ENTREP2: variants seen among roughly 807,000 people sequenced by gnomAD.
ENTREP2 encodes endosomal transmembrane epsin interactor 2.
At chr15:29,374,256 A>G in the ENTREP2 span, 44 of 152,168 alleles carry the variant, frequency 2.9e-4, no homozygotes, top group Admixed American at 2.1e-3. Flanking sequence ...GGTCCCATCT[A>G]TTCTTTGTTT....
At chr15:29,170,980 C>T in the ENTREP2 span, among the ~76,000 whole-genome samples, 1 of 152,156 alleles carries the variant, frequency 6.6e-6, no homozygotes, top group African/African-American at 2.4e-5. Context: ...TGGTGGGGGT[C>T]CTCCTGTGGT....
the ENTREP2 span, chr15:29,234,637 CCTACCAGTT>C: frequency 2.6e-6 from 4 of 1,561,218 alleles, no homozygotes; most frequent in East Asian, 9.0e-5. Context: ...TATCAAACCA[CCTACCAGTT>C]CTATCTTCAC....
the ENTREP2 span, among the ~76,000 whole-genome samples, chr15:29,327,675 T>C: frequency 1.3e-5 from 2 of 150,590 alleles, no homozygotes; most frequent in African/African-American, 2.4e-5. Context: ...GCATATGACA[T>C]AATGTTCAAT....
chr15:29,125,178 C>A, the ENTREP2 span, among the ~76,000 whole-genome samples: 4 of 152,226 alleles, frequency 2.6e-5, no homozygotes, highest in African/African-American at 9.6e-5. Context: ...CCAACAAAGC[C>A]ATCAGGGGGC....
chr15:29,125,096 A>G, the ENTREP2 span, among the ~76,000 whole-genome samples: 2 of 152,198 alleles, frequency 1.3e-5, no homozygotes, highest in African/African-American at 4.8e-5. Flanking sequence ...ACATCAGCCT[A>G]GCCAAGAGGG....
chr15:29,518,959 A>C, the ENTREP2 span, among the ~76,000 whole-genome samples: 1 of 152,162 alleles, frequency 6.6e-6, no homozygotes, highest in Admixed American at 6.5e-5. Flanking sequence ...ACACAAAAGC[A>C]GACCCTTGCT....
chr15:29,441,771 G>C, the ENTREP2 span, among the ~76,000 whole-genome samples: 1 of 151,488 alleles, frequency 6.6e-6, no homozygotes, highest in Non-Finnish European at 1.5e-5. Context: ...GTTTTTTCTT[G>C]GTTTCTTTGC....
the ENTREP2 span, among the ~76,000 whole-genome samples, chr15:29,335,632 C>T: frequency 7.2e-5 from 11 of 152,146 alleles, no homozygotes; most frequent in Admixed American, 3.9e-4. Flanking sequence ...CCTGGAAATA[C>T]GGGCTCTTCT....
chr15:29,433,781 GAAAAA>G, the ENTREP2 span, among the ~76,000 whole-genome samples: 19 of 136,732 alleles, frequency 1.4e-4, no homozygotes, highest in South Asian at 1.2e-3. Flanking sequence ...TCCTCCATGG[GAAAAA>G]AAAAAAAAAA....
the ENTREP2 span, among the ~76,000 whole-genome samples, chr15:29,497,321 A>G: frequency 1.3e-5 from 2 of 152,146 alleles, no homozygotes; most frequent in African/African-American, 2.4e-5. Flanking sequence ...TTTTTTTTGG[A>G]AGCGTTTGAG....
At chr15:29,654,388 T>C in the ENTREP2 span, among the ~76,000 whole-genome samples, 1 of 152,206 alleles carries the variant, frequency 6.6e-6, no homozygotes. Context: ...GGAGAATTCA[T>C]ATATATTAAA....
the ENTREP2 span, among the ~76,000 whole-genome samples, chr15:29,447,507 C>A: frequency 1.3e-5 from 2 of 152,254 alleles, no homozygotes; most frequent in South Asian, 4.1e-4. Context: ...ACTCTGTTGC[C>A]CAGGCTGGAG....
the ENTREP2 span, among the ~76,000 whole-genome samples, chr15:29,133,332 AC>A: frequency 6.6e-6 from 1 of 151,848 alleles, no homozygotes; most frequent in African/African-American, 2.4e-5. Context: ...AGGCTTTTAT[AC>A]CCCCAACTTC....
the ENTREP2 span, among the ~76,000 whole-genome samples, chr15:29,133,530 G>A: frequency 6.6e-6 from 1 of 152,166 alleles, no homozygotes; most frequent in African/African-American, 2.4e-5. Context: ...CATCAAAGCT[G>A]CTCTGCCAAG....
At chr15:29,201,872 T>C in the ENTREP2 span, among the ~76,000 whole-genome samples, 3 of 152,220 alleles carry the variant, frequency 2.0e-5, no homozygotes, top group South Asian at 2.1e-4. Context: ...AAATGCTTAA[T>C]AGAATTCTCC....
the ENTREP2 span, among the ~76,000 whole-genome samples, chr15:29,647,921 T>C: frequency 2.0e-5 from 3 of 152,154 alleles, no homozygotes; most frequent in Non-Finnish European, 4.4e-5. Context: ...CTCATAGGAT[T>C]TGGGAAACTT....
At chr15:29,600,898 C>CTTTTTTTTT in the ENTREP2 span, among the ~76,000 whole-genome samples, 455 of 125,262 alleles carry the variant, frequency 3.6e-3, 53 homozygotes, top group African/African-American at 5.5e-3. Context: ...TATGATTTTT[C>CTTTTTTTTT]TTTCTTTTTT....
chr15:29,400,670 A>C, the ENTREP2 span, among the ~76,000 whole-genome samples: 1 of 152,242 alleles, frequency 6.6e-6, no homozygotes, highest in Admixed American at 6.5e-5. Flanking sequence ...ATCTTGAAGT[A>C]AGCCTTTTAA....
At chr15:29,274,442 C>A in the ENTREP2 span, among the ~76,000 whole-genome samples, 12 of 129,108 alleles carry the variant, frequency 9.3e-5, no homozygotes, top group African/African-American at 3.0e-4. Context: ...GACATGGTGT[C>A]CTTGAAAAAG....
Sources: allele counts gnomAD v4.1 joint callset (sites outside exome capture counted in the v4.1 genomes callset), GRCh38; gene constraint gnomAD v4.1.1; transcripts MANE v1.5; gene names NCBI Gene and HGNC (gene_info 2026-07-23, HGNC 2026-07-21).